POLH: variants seen among roughly 807,000 people sequenced by gnomAD.
POLH encodes the protein DNA polymerase eta transcript.
In POLH, 53 loss-of-function variants were observed where a neutral mutation model predicts 73.6. That is an observed-to-expected ratio of 0.72 (90% CI 0.58 to 0.91). POLH has a LOEUF of 0.91. Ranked by LOEUF, POLH falls within the 40% of genes least tolerant of loss-of-function variation. The pLI is 0.00. For missense variants in POLH, 768 were observed against 865.4 expected, an observed-to-expected ratio of 0.89 and a Z score of 1.41; for synonymous variants, 292 against 308.5, an observed-to-expected ratio of 0.95 and a Z score of 0.56.
Position 43,604,025 on chromosome 6 carries a change from T to C in POLH, c.884+14T>C, listed in dbSNP as rs1767010096. The stretch of plus-strand genomic sequence containing the variant: ...GGAGAAGAATGGGTAAGTGATTCAT[T>C]TTTTTTAAAATCATAACCTTTATGG... On this transcript the variant is annotated intron_variant, in intron 7 of 10. Coordinates refer to ENST00000372236, the MANE Select transcript of POLH (RefSeq NM_006502.3). 4 of 1,609,866 alleles carry C rather than the reference T, an allele frequency of 2.5e-6. No homozygotes were observed. The highest frequency in any genetic ancestry group is 3.4e-6 in the Non-Finnish European group (4 of 1,176,234).
In POLH at chr6:43,615,661, G is replaced by C. The variant is rs1290853714; in HGVS notation, c.*1104G>C. The C allele has an allele frequency of 1.3e-5, 2 of 151,726 alleles. No homozygotes were observed. The highest frequency in any genetic ancestry group is 4.8e-5 in the African/African-American group (2 of 41,322). The allele number at this position is 151,726 out of a possible 1,614,324, so 9.4% of individuals were successfully genotyped here. A position where few individuals can be genotyped will look rare whatever the true frequency, so the allele number is the denominator to read the frequency against. ...GACTTGCATAGTTAAAAAAAAAAAA[G>C]GGATTATTTTTATTTTTATTTTTTA... On this transcript the variant is annotated 3_prime_UTR_variant, in exon 11 of 11. Transcript: ENST00000372236.
chr6:43,582,487 C>G (rs1764386692), intron 2 of POLH, 31 bp downstream of exon 2: 2 of 1,606,792 alleles, frequency 1.2e-6, no homozygotes, highest in African/African-American at 1.3e-5. Flanking sequence ...CACAACTATT[C>G]AATGGTAACA....
chr6:43,589,090 G>A (rs550903798), intron 4 of POLH, among the ~76,000 whole-genome samples: 12 of 152,008 alleles, frequency 7.9e-5, no homozygotes, highest in Non-Finnish European at 1.2e-4. Context: ...CGCCCGCCTC[G>A]GCCTCCCAAA....
At position 43,613,786 on chromosome 6, in the gene POLH, C is replaced by T; in HGVS notation, c.1371C>T (p.Thr457=). Reference sequence around the variant, plus strand: ...GTTCTCTGCCAAAGGTGCCAGTTACCAGCTCAGAAGCTAAGACCCAGGGAA... The same window carrying T: ...GTTCTCTGCCAAAGGTGCCAGTTACTAGCTCAGAAGCTAAGACCCAGGGAA... ...DPSSLPKVPV[T]SSEAKTQGSG... Residue 457 remains threonine (T), a synonymous_variant, in exon 11 of 11, where the codon ACC becomes ACT. Transcript: ENST00000372236. 6.2e-7 allele frequency: 1 copy of T among 1,613,896 alleles called. No homozygotes were observed.
chr6:43,601,111 G>A lies in POLH; in HGVS notation c.764+20G>A. Reference sequence around the variant, plus strand: ...CAAAATGTAAGTATTCAGGCAGCATGTTAAATTTCACTTCTATCCATGTGT... The same window carrying A: ...CAAAATGTAAGTATTCAGGCAGCATATTAAATTTCACTTCTATCCATGTGT... On this transcript the variant is annotated intron_variant, in intron 6 of 10. Coordinates refer to ENST00000372236, the MANE Select transcript of POLH (RefSeq NM_006502.3). 6.6e-7 allele frequency: 1 copy of A among 1,518,322 alleles called. No individual in the cohort carries two copies. Among genetic ancestry groups the A allele is most frequent in the Non-Finnish European group, 9.2e-7 (1 of 1,092,680 alleles). 94.1% of individuals were successfully genotyped at this position (1,518,322 alleles called of 1,614,324 possible). A position where few individuals can be genotyped will look rare whatever the true frequency, so the allele number is the denominator to read the frequency against.
Position 43,614,152 on chromosome 6 carries a change from A to C in POLH, c.1737A>C (p.Glu579Asp). The C allele has an allele frequency of 6.2e-7, 1 of 1,614,232 alleles. No individual in the cohort carries two copies. The highest frequency in any genetic ancestry group is 8.5e-7 in the Non-Finnish European group (1 of 1,180,040). ...ATCCAGGGTGTGTCCCTGTTTGTGA[A>C]GGGGTGTCGAAGCTAGAAGAATCCT... ...TEYPGCVPVC[E>D]GVSKLEESSK... Residue 579 changes from glutamate (E) to aspartate (D), a missense_variant, in exon 11 of 11, where the codon GAA becomes GAC. Physicochemically the swap from Glu to Asp is conservative, Grantham distance 45 (BLOSUM62 2). Coordinates refer to ENST00000372236, the MANE Select transcript of POLH (RefSeq NM_006502.3).
rs902349821 is a variant in POLH, at chr6:43,577,611, GT to G, written c.-5+1181del. On this transcript the variant is annotated intron_variant, in intron 1 of 10. Coordinates refer to ENST00000372236, the MANE Select transcript of POLH (RefSeq NM_006502.3). Reference sequence around the variant, plus strand: ...CCTTCCTGCTTTGCAGTTGTAAGACGTTTTTTTTTTCAAGGTGAATGTTAGT... The same window carrying G: ...CCTTCCTGCTTTGCAGTTGTAAGACGTTTTTTTTTCAAGGTGAATGTTAGT... Among the ~76,000 whole-genome samples the G allele has an allele frequency of 6.8e-5, 10 of 147,478 alleles. No homozygotes were observed. In the East Asian group the frequency reaches 1.8e-3, roughly 26 times the overall value.
intron 1 of POLH, among the ~76,000 whole-genome samples, chr6:43,578,754 T>C (rs1412638387): frequency 6.6e-6 from 1 of 152,062 alleles, no homozygotes; most frequent in Admixed American, 6.5e-5. Context: ...TTGACATTTT[T>C]CATGAATGCT....
At chr6:43,598,320 G>A (rs147462306) in intron 5 of POLH, among the ~76,000 whole-genome samples, 7 of 151,554 alleles carry the variant, frequency 4.6e-5, no homozygotes, top group Admixed American at 3.3e-4. Flanking sequence ...CATTAAATAT[G>A]TACTTTCCTA....
intron 10 of POLH, among the ~76,000 whole-genome samples, chr6:43,611,013 G>A (rs1279633353): frequency 6.6e-6 from 1 of 152,152 alleles, no homozygotes; most frequent in East Asian, 1.9e-4. Context: ...AATCACCTGA[G>A]GTCTGTCTCA....
chr6:43,586,034 A>G (rs931507268), intron 3 of POLH, among the ~76,000 whole-genome samples: 4 of 152,000 alleles, frequency 2.6e-5, no homozygotes, highest in African/African-American at 9.7e-5. Context: ...TAATTCTCTA[A>G]TTTGAGAGTG....
intron 4 of POLH, chr6:43,588,360 CCTT>C (rs1357078654): frequency 7.4e-6 from 1 of 135,836 alleles, no homozygotes; most frequent in Non-Finnish European, 1.7e-5. Flanking sequence ...TTCCTTCCTT[CCTT>C]CTTTCCTTCC....
chr6:43,588,051 T>C (rs1334771681), intron 4 of POLH, among the ~76,000 whole-genome samples: 1 of 152,128 alleles, frequency 6.6e-6, no homozygotes, highest in Non-Finnish European at 1.5e-5. Flanking sequence ...AAAAAATCAA[T>C]AGAAGGCTGA....
In POLH at chr6:43,615,909, G is replaced by A. The variant is rs542337140; in HGVS notation, c.*1352G>A. On this transcript the variant is annotated 3_prime_UTR_variant, in exon 11 of 11. Transcript: ENST00000372236. ...GATGGTCTCGATTGCTTGACCTCAT[G>A]ATCCGCCTGCCTCGACCTCCCAAAG... Among the ~76,000 whole-genome samples the A allele has an allele frequency of 6.6e-6, 1 of 152,066 alleles. No homozygotes were observed. Among genetic ancestry groups the A allele is most frequent in the Non-Finnish European group, 1.5e-5 (1 of 67,980 alleles).
At chr6:43,597,024 T>A (rs1766137322) in intron 4 of POLH, among the ~76,000 whole-genome samples, 1 of 152,144 alleles carries the variant, frequency 6.6e-6, no homozygotes, top group African/African-American at 2.4e-5. Context: ...TTGAAAAAAA[T>A]ATTCTTGGAG....
Position 43,610,689 on chromosome 6 carries a change from A to G in POLH, c.1210A>G (p.Lys404Glu). 6.2e-7 allele frequency: 1 copy of G among 1,613,248 alleles called. No homozygotes were observed. The highest frequency in any genetic ancestry group is 8.5e-7 in the Non-Finnish European group (1 of 1,179,896). Residue 404 changes from lysine to glutamate, a missense_variant, in exon 10 of 11, where the codon AAG becomes GAG. Physicochemically the swap from Lys to Glu is moderately conservative, Grantham distance 56 (BLOSUM62 1). Coordinates refer to ENST00000372236, the MANE Select transcript of POLH (RefSeq NM_006502.3). The part of the protein sequence containing the change: ...KMSHDAFTVI[K>E]NCNTSGIQTE... ...GAGCCATGATGCATTTACTGTCATCAAGAACTGTAATACTTCTGGAATCCA... is the reference window on the plus strand; with the variant it reads ...GAGCCATGATGCATTTACTGTCATCGAGAACTGTAATACTTCTGGAATCCA...
rs568976775 is a variant in POLH, at chr6:43,577,115, G to A, written c.-5+675G>A. Among the ~76,000 whole-genome samples, 18 of 152,336 alleles carry A rather than the reference G, an allele frequency of 1.2e-4. No homozygotes were observed. In the East Asian group the frequency reaches 3.3e-3, roughly 28 times the overall value. On this transcript the variant is annotated intron_variant, in intron 1 of 10. Transcript: ENST00000372236. ...AATCGCTTGAACCCGGGAGGCGGAG[G>A]TTCAGTGAGCCGAGATCGCGCCTTT...
rs1561897791 is a variant in POLH, at chr6:43,583,154, CATT to C, written c.272+17_272+19del. On this transcript the variant is annotated intron_variant, in intron 3 of 10. Coordinates refer to ENST00000372236, the MANE Select transcript of POLH (RefSeq NM_006502.3). ...CTAACCTCACCAAGTAAGAAAAAAACATTATTTAAGGAGACATAAAGGAGTCGA... is the reference window on the plus strand; with the variant it reads ...CTAACCTCACCAAGTAAGAAAAAAACATTTAAGGAGACATAAAGGAGTCGA... 2 of 1,612,716 alleles carry C rather than the reference CATT, an allele frequency of 1.2e-6. No individual in the cohort carries two copies. The highest frequency in any genetic ancestry group is 2.2e-5 in the East Asian group (1 of 44,870).
chr6:43,586,482 G>A (rs1332101954), intron 3 of POLH, among the ~76,000 whole-genome samples: 3 of 151,824 alleles, frequency 2.0e-5, no homozygotes, highest in African/African-American at 4.8e-5. Context: ...ACTTCATCTC[G>A]AAAAACAAGA....
Sources: allele counts gnomAD v4.1 joint callset (sites outside exome capture counted in the v4.1 genomes callset), GRCh38; gene constraint gnomAD v4.1.1; transcripts MANE v1.5; gene names NCBI Gene and HGNC (gene_info 2026-07-23, HGNC 2026-07-21).